Variants in MYO10 observed in about 807,000 individuals in gnomAD.
The protein encoded by MYO10 is unconventional myosin-X.
Under a neutral mutation model 257.3 loss-of-function variants are expected in MYO10, and 133 were observed. The observed-to-expected ratio is 0.52, with a 90% CI of 0.45 to 0.60. The LOEUF (loss-of-function observed/expected upper bound fraction) is 0.60, where lower values mean the gene tolerates loss of function less well. Ranked by LOEUF, MYO10 falls within the 20% of genes least tolerant of loss-of-function variation. The pLI is 0.00. For synonymous variants in MYO10, 1,104 were observed against 1,028.6 expected (o/e 1.07, Z -1.40); for missense variants, 2,399 against 2,635.7 (o/e 0.91, Z 1.97).
chr5:16,899,262 T>C (rs1745307954), intron 1 of MYO10, among the ~76,000 whole-genome samples: 1 of 152,072 alleles, frequency 6.6e-6, no homozygotes, highest in Admixed American at 6.6e-5. Flanking sequence ...ACAACCAACC[T>C]GCCTCATCCT....
Position 16,664,096 on chromosome 5 carries a change from C to A in MYO10, c.*2596G>T, listed in dbSNP as rs1229530243. The A allele has an allele frequency of 6.6e-6, 1 of 152,164 alleles. No homozygotes were observed. Among genetic ancestry groups the A allele is most frequent in the East Asian group, 1.9e-4 (1 of 5,188 alleles). The allele number at this position is 152,164 out of a possible 1,614,324, so 9.4% of individuals were successfully genotyped here. On this transcript the variant is annotated 3_prime_UTR_variant, in exon 41 of 41. Transcript: ENST00000513610. ...TGCTCTACAGTGATGGGGGATGCTA[C>A]CACTGGGGAAACTGAAGGGCACGCA...
At chr5:16,916,974 T>C (rs1201764080) in intron 1 of MYO10, among the ~76,000 whole-genome samples, 2 of 152,144 alleles carry the variant, frequency 1.3e-5, no homozygotes, top group African/African-American at 4.8e-5. Context: ...CTCAGAAATA[T>C]ACAAATCAGG....
chr5:16,780,284 C>T (rs1049023486), intron 8 of MYO10, among the ~76,000 whole-genome samples: 1 of 144,080 alleles, frequency 6.9e-6, no homozygotes, highest in African/African-American at 2.6e-5. Context: ...AATAAACATC[C>T]TTTACATTAA....
chr5:16,766,373 T>C (rs1015736275), intron 10 of MYO10, among the ~76,000 whole-genome samples, 175 bp from the exon 11 acceptor site: 11 of 152,236 alleles, frequency 7.2e-5, no homozygotes, highest in Middle Eastern at 3.2e-3. Context: ...GCATAGAGCC[T>C]CGTGCTTGGA....
At chr5:16,774,820 C>G (rs1464847949) in intron 9 of MYO10, among the ~76,000 whole-genome samples, 1 of 152,090 alleles carries the variant, frequency 6.6e-6, no homozygotes, top group Admixed American at 6.6e-5. Flanking sequence ...AAGAGACTGA[C>G]ATTTCCAAGT....
At chr5:16,805,792 C>T (rs1041180618) in intron 3 of MYO10, among the ~76,000 whole-genome samples, 4 of 152,146 alleles carry the variant, frequency 2.6e-5, no homozygotes, top group Non-Finnish European at 5.9e-5. Context: ...ACATAACTCA[C>T]CCCCAAAATA....
intron 2 of MYO10, among the ~76,000 whole-genome samples, chr5:16,824,818 G>C (rs765291756): frequency 6.6e-6 from 1 of 152,124 alleles, no homozygotes; most frequent in Non-Finnish European, 1.5e-5. Context: ...AGTGAGCCAA[G>C]ATCACACCAC....
rs946549456 is a variant in MYO10, at chr5:16,829,475, T to C, written c.121-11308A>G. On this transcript the variant is annotated intron_variant, in intron 2 of 40. Coordinates refer to ENST00000513610, the MANE Select transcript of MYO10 (RefSeq NM_012334.3). ...CTTGAGGAGCAATCGCCACAAACAC[T>C]GCTGTTCCCAAAATGGAAGGTTTCT... Among the ~76,000 whole-genome samples, 4 of 152,118 alleles carry C rather than the reference T, an allele frequency of 2.6e-5. No homozygotes were observed. In the South Asian group the frequency reaches 8.3e-4, roughly 32 times the overall value.
At chr5:16,744,901 G>A (rs1740140707) in intron 19 of MYO10, among the ~76,000 whole-genome samples, 1 of 152,110 alleles carries the variant, frequency 6.6e-6, no homozygotes, top group African/African-American at 2.4e-5. Flanking sequence ...TACTGGAGCA[G>A]GAAAATGTAT....
intron 1 of MYO10, among the ~76,000 whole-genome samples, chr5:16,925,280 T>C (rs746556179): frequency 6.6e-6 from 1 of 152,194 alleles, no homozygotes; most frequent in Non-Finnish European, 1.5e-5. Context: ...GCAACAAAAG[T>C]AATAATTGAA....
chr5:16,774,261 G>A (rs1741146790), intron 9 of MYO10, among the ~76,000 whole-genome samples: 1 of 152,098 alleles, frequency 6.6e-6, no homozygotes, highest in South Asian at 2.1e-4. Flanking sequence ...TGTCACCCTG[G>A]AAACAAAGGG....
chr5:16,724,519 C>T (rs1168505378), intron 19 of MYO10, among the ~76,000 whole-genome samples: 1 of 152,056 alleles, frequency 6.6e-6, no homozygotes, highest in Admixed American at 6.6e-5. Flanking sequence ...GTAGCCCTCA[C>T]AATGTGTTTC....
intron 18 of MYO10, among the ~76,000 whole-genome samples, chr5:16,755,706 ACTTT>A (rs1295875684): frequency 6.9e-6 from 1 of 143,956 alleles, no homozygotes; most frequent in Non-Finnish European, 1.5e-5. Context: ...CTTTAATACT[ACTTT>A]CTTTTCCAAC....
chr5:16,797,068 A>G (rs1741993569), intron 3 of MYO10, among the ~76,000 whole-genome samples: 1 of 152,244 alleles, frequency 6.6e-6, no homozygotes, highest in African/African-American at 2.4e-5. Flanking sequence ...AATATTTTAT[A>G]TTCATAGTAT....
intron 19 of MYO10, among the ~76,000 whole-genome samples, chr5:16,725,590 T>A: frequency 6.6e-6 from 1 of 152,180 alleles, no homozygotes; most frequent in East Asian, 1.9e-4. Context: ...AGCAATCGTG[T>A]GGGAAATGCT....
chr5:16,702,999 C>T lies in MYO10; in HGVS notation c.2436G>A (p.Leu812=). Reference sequence around the variant, plus strand: ...TTTCTTCTTGCTCCCTTTTCTCTGCCAGCAATTGTCTGTAAACTCTCCGAG... The same window carrying T: ...TTTCTTCTTGCTCCCTTTTCTCTGCTAGCAATTGTCTGTAAACTCTCCGAG... ...QIARRVYRQL[L]AEKREQEEKK... The change falls in exon 23 of 41, where the codon CTG becomes CTA. Residue 812 remains leucine, a synonymous_variant. Transcript: ENST00000513610. 1 of 1,552,210 alleles carries T rather than the reference C, an allele frequency of 6.4e-7. No homozygotes were observed. The highest frequency in any genetic ancestry group is 8.7e-7 in the Non-Finnish European group (1 of 1,147,138).
intron 1 of MYO10, among the ~76,000 whole-genome samples, chr5:16,881,630 G>T (rs764692002): frequency 6.6e-5 from 10 of 152,174 alleles, no homozygotes; most frequent in Non-Finnish European, 1.2e-4. Context: ...AGTATTAACT[G>T]GCAATTTTCA....
At chr5:16,688,910 T>A (rs1737368255) in intron 28 of MYO10, among the ~76,000 whole-genome samples, 1 of 152,176 alleles carries the variant, frequency 6.6e-6, no homozygotes, top group Admixed American at 6.5e-5. Context: ...GAGCAAATGC[T>A]AAGTCTCCTT....
chr5:16,906,239 C>A (rs1745515563), intron 1 of MYO10, among the ~76,000 whole-genome samples: 6 of 152,264 alleles, frequency 3.9e-5, no homozygotes, highest in South Asian at 4.1e-4. Flanking sequence ...CAACACCACA[C>A]CCTGGAATGA....
Sources: gnomAD v4.1 joint callset for allele counts (sites outside exome capture counted in the v4.1 genomes callset) on GRCh38, gnomAD v4.1.1 for gene constraint, MANE v1.5 for transcripts, NCBI Gene and HGNC (gene_info 2026-07-23, HGNC 2026-07-21) for gene names.